ABLIM3: variants seen among roughly 807,000 people sequenced by gnomAD.
ABLIM3 encodes the protein actin-binding LIM protein 3.
In ABLIM3, 61 loss-of-function variants were observed where a neutral mutation model predicts 109.5. The observed-to-expected ratio is 0.56, with a 90% CI of 0.45 to 0.69. The LOEUF (loss-of-function observed/expected upper bound fraction) is 0.69, where lower values mean the gene tolerates loss of function less well. ABLIM3 is among the 30% of genes least tolerant of loss of function. ABLIM3 has a pLI of 0.00. For synonymous variants in ABLIM3, 300 were observed against 324.8 expected, an observed-to-expected ratio of 0.92 and a Z score of 0.82; for missense variants, 796 against 889.5, an observed-to-expected ratio of 0.89 and a Z score of 1.34.
intron 2 of ABLIM3, among the ~76,000 whole-genome samples, chr5:149,170,920 G>A (rs930199939): frequency 6.6e-6 from 1 of 152,050 alleles, no homozygotes; most frequent in African/African-American, 2.4e-5. Context: ...TTAGTCCCAT[G>A]TGTCATGTAC....
At chr5:149,241,800 A>C (rs181753077) in intron 14 of ABLIM3, among the ~76,000 whole-genome samples, 22 of 152,278 alleles carry the variant, frequency 1.4e-4, no homozygotes, top group Admixed American at 9.8e-4. Context: ...GAAGAAGCCA[A>C]GGAAAGACAT....
In ABLIM3 at chr5:149,143,324, C is replaced by G. The variant is rs112162994; in HGVS notation, c.13+1216C>G. On this transcript the variant is annotated intron_variant, in intron 2 of 23. Transcript: ENST00000309868. ...GTTGCAGTGAGCCGAGATCACACCA[C>G]TGCACTCCAGCCTGGGCGACAGAGT... Among the ~76,000 whole-genome samples, 265 of 152,122 alleles carry G rather than the reference C, an allele frequency of 1.7e-3. 1 individual carries two copies. The highest frequency in any genetic ancestry group is 6.1e-3 in the African/African-American group (252 of 41,506).
At chr5:149,246,408 TTA>T (rs2127566581) in intron 16 of ABLIM3, 72 bp from the exon 17 acceptor site, 8 of 1,407,994 alleles carry the variant, frequency 5.7e-6, no homozygotes, top group Admixed American at 2.4e-5. Flanking sequence ...CTTTTCTTTT[TTA>T]AAAAAAAAAT....
Position 149,259,576 on chromosome 5 carries a change from G to A in ABLIM3, c.*1172G>A. 6.5e-7 allele frequency: 1 copy of A among 1,536,190 alleles called. No individual in the cohort carries two copies. The highest frequency in any genetic ancestry group is 1.2e-5 in the South Asian group (1 of 84,060). On this transcript the variant is annotated 3_prime_UTR_variant, in exon 24 of 24. Coordinates refer to ENST00000309868, the MANE Select transcript of ABLIM3 (RefSeq NM_014945.5). ...CTTTTGGAAGAGTGGCTGCTTATGA[G>A]ATTCCAAAATGAAGTGTTGGCCAAC...
At chr5:149,150,645 A>G (rs1180132758) in intron 2 of ABLIM3, among the ~76,000 whole-genome samples, 1 of 152,232 alleles carries the variant, frequency 6.6e-6, no homozygotes, top group Non-Finnish European at 1.5e-5. Context: ...GCTGTGGTGA[A>G]CGGTCAACAA....
At chr5:149,217,281 G>A in intron 8 of ABLIM3, 1 of 552,846 alleles carries the variant, frequency 1.8e-6, no homozygotes, top group Non-Finnish European at 3.3e-6. Context: ...TCCACCCGCT[G>A]CCCAGCTGGA....
At chr5:149,181,828 A>T (rs986214375) in intron 2 of ABLIM3, among the ~76,000 whole-genome samples, 1 of 152,224 alleles carries the variant, frequency 6.6e-6, no homozygotes, top group African/African-American at 2.4e-5. Flanking sequence ...AGGCTATGAC[A>T]ACAGAGATTT....
At chr5:149,231,953 T>A (rs1478949813) in intron 9 of ABLIM3, among the ~76,000 whole-genome samples, 1 of 152,236 alleles carries the variant, frequency 6.6e-6, no homozygotes, top group African/African-American at 2.4e-5. Flanking sequence ...GAAATAATTC[T>A]TAAGAATAAA....
intron 10 of ABLIM3, among the ~76,000 whole-genome samples, chr5:149,234,605 T>C (rs1207103625): frequency 1.3e-5 from 2 of 152,194 alleles, no homozygotes; most frequent in Admixed American, 6.5e-5. Flanking sequence ...GACTGAAATT[T>C]CAATATGGGT....
intron 2 of ABLIM3, 130 bp from the exon 3 acceptor site, chr5:149,183,322 T>G: frequency 9.1e-7 from 1 of 1,097,538 alleles, no homozygotes; most frequent in Non-Finnish European, 1.3e-6. Context: ...TGATGATGAA[T>G]TGAAGATACT....
intron 3 of ABLIM3, among the ~76,000 whole-genome samples, chr5:149,192,308 G>C (rs1757553380): frequency 6.6e-6 from 1 of 151,486 alleles, no homozygotes; most frequent in South Asian, 2.1e-4. Flanking sequence ...AAGAAAATTA[G>C]TCTATAATAA....
chr5:149,198,645 G>A lies in ABLIM3; in HGVS notation c.335+243G>A, dbSNP rs1359725569. On this transcript the variant is annotated intron_variant, in intron 4 of 23. Transcript: ENST00000309868. This position sits in a 1 kb window ranked among gnomAD's most constrained non-coding sequence, Gnocchi z 4.2. The stretch of plus-strand genomic sequence containing the variant: ...GTTTGTCCTGTGATAGAGGCAGAGT[G>A]AGGATCTGTACCTCTAAACTCAGCC... 6.6e-6 allele frequency among the ~76,000 whole-genome samples: 1 copy of A among 152,222 alleles called. No individual in the cohort carries two copies. Among genetic ancestry groups the A allele is most frequent in the Non-Finnish European group, 1.5e-5 (1 of 68,044 alleles).
chr5:149,241,915 G>T (rs1167951981), intron 14 of ABLIM3, among the ~76,000 whole-genome samples: 1 of 152,184 alleles, frequency 6.6e-6, no homozygotes, highest in South Asian at 2.1e-4. Context: ...GTTTGGACAA[G>T]GTCTCCCTCT....
At chr5:149,147,905 G>A (rs1204511408) in intron 2 of ABLIM3, among the ~76,000 whole-genome samples, 1 of 152,106 alleles carries the variant, frequency 6.6e-6, no homozygotes, top group Non-Finnish European at 1.5e-5. Context: ...GGCACAGCTG[G>A]CATCATGTCA....
chr5:149,201,928 G>A (rs60676393), intron 5 of ABLIM3, among the ~76,000 whole-genome samples: 5,810 of 152,348 alleles, frequency 0.038, 339 homozygotes, highest in African/African-American at 0.13. Context: ...AGTTATGAAA[G>A]AGGGATGGAA....
rs113627620 is a variant in ABLIM3, at chr5:149,239,224, G to A, written c.1045-24G>A. On this transcript the variant is annotated intron_variant, in intron 11 of 23. Coordinates refer to ENST00000309868, the MANE Select transcript of ABLIM3 (RefSeq NM_014945.5). ...CATTCCTTCTGCTCGTTCCACAACT[G>A]CCTTCAAACTCTTCACTTCTAAGTC... 48 of 1,613,580 alleles carry A rather than the reference G, an allele frequency of 3.0e-5. No individual in the cohort carries two copies. The African/African-American group carries it at 4.0e-4, about 13-fold the overall frequency.
intron 17 of ABLIM3, among the ~76,000 whole-genome samples, chr5:149,247,291 G>A (rs1021838756): frequency 1.1e-4 from 16 of 152,212 alleles, no homozygotes; most frequent in African/African-American, 3.6e-4. Flanking sequence ...CCAGGGGCAC[G>A]GGGAGAGGGG....
chr5:149,199,581 G>A (rs1348666664), intron 4 of ABLIM3, among the ~76,000 whole-genome samples: 5 of 152,146 alleles, frequency 3.3e-5, no homozygotes, highest in Non-Finnish European at 7.4e-5. Context: ...GCTGAGCCAC[G>A]ATAAGAACAT....
chr5:149,227,363 G>A (rs1761412634), intron 8 of ABLIM3, among the ~76,000 whole-genome samples: 1 of 152,178 alleles, frequency 6.6e-6, no homozygotes, highest in East Asian at 1.9e-4. Context: ...TGCAGAGCCT[G>A]GAATTGTGGG....
Sources: gnomAD v4.1 joint callset for allele counts (sites outside exome capture counted in the v4.1 genomes callset) on GRCh38, gnomAD v4.1.1 for gene constraint, Gnocchi (gnomAD v3.1) non-coding constraint, MANE v1.5 for transcripts, NCBI Gene and HGNC (gene_info 2026-07-23, HGNC 2026-07-21) for gene names.